DRAM1: variants seen among roughly 807,000 people sequenced by gnomAD.
DRAM1 encodes DNA damage regulated autophagy modulator 1, also known as DNA damage-regulated autophagy modulator protein 1.
A neutral mutation model predicts 28.5 loss-of-function variants in DRAM1; 25 were observed. The observed-to-expected ratio is 0.88, with a 90% confidence interval of 0.64 to 1.23. DRAM1 has a LOEUF of 1.23. Ranked by LOEUF, DRAM1 falls within the 50% of genes most tolerant of loss-of-function variation. The probability of loss-of-function intolerance (pLI) is 0.00; values close to 1 mark genes in which losing one functional copy is unlikely to be tolerated. For missense variants in DRAM1, 249 were observed against 299.2 expected, an observed-to-expected ratio of 0.83 and a Z score of 1.24; for synonymous variants, 113 against 114.2, an observed-to-expected ratio of 0.99 and a Z score of 0.07.
At chr12:101,888,786 ATTTTTTTTTTTTTT>A (rs34825466) in intron 1 of DRAM1, among the ~76,000 whole-genome samples, 32 of 107,982 alleles carry the variant, frequency 3.0e-4, no homozygotes, top group African/African-American at 1.3e-3. Flanking sequence ...AAACATCTCA[ATTTTTTTTTTTTTT>A]TTTTTTTTTT....
chr12:101,881,090 A>G (rs1046273639), intron 1 of DRAM1, among the ~76,000 whole-genome samples: 5 of 152,150 alleles, frequency 3.3e-5, no homozygotes, highest in Admixed American at 3.3e-4. Flanking sequence ...CCACACATAG[A>G]GAAGAAGGCT....
chr12:101,889,481 A>AGAAG (rs146359103), intron 1 of DRAM1, among the ~76,000 whole-genome samples: 6,547 of 139,232 alleles, frequency 0.047, 386 homozygotes, highest in East Asian at 0.23. Flanking sequence ...TGAGAAGAGA[A>AGAAG]GAAGGAAGGA....
intron 1 of DRAM1, among the ~76,000 whole-genome samples, chr12:101,892,191 G>C (rs1873157304): frequency 6.6e-6 from 1 of 151,430 alleles, no homozygotes; most frequent in Non-Finnish European, 1.5e-5. Flanking sequence ...AAAGACATAA[G>C]AACATTTTTC....
At chr12:101,905,818 C>T (rs1873785098) in intron 3 of DRAM1, among the ~76,000 whole-genome samples, 2 of 151,484 alleles carry the variant, frequency 1.3e-5, no homozygotes, top group Admixed American at 1.3e-4. Context: ...TGGAGTCTCG[C>T]TCTGTCTCCC....
At chr12:101,899,694 A>T (rs1479501613) in intron 2 of DRAM1, among the ~76,000 whole-genome samples, 1 of 152,164 alleles carries the variant, frequency 6.6e-6, no homozygotes, top group East Asian at 1.9e-4. Context: ...AAAAAAAAAA[A>T]AAAAAAGATT....
At chr12:101,905,943 C>T (rs143730199) in intron 3 of DRAM1, among the ~76,000 whole-genome samples, 53 of 152,252 alleles carry the variant, frequency 3.5e-4, no homozygotes, top group African/African-American at 1.2e-3. Context: ...GCACGCGCCA[C>T]CACGCCTGGC....
intron 1 of DRAM1, among the ~76,000 whole-genome samples, chr12:101,883,083 A>T (rs756046775): frequency 2.6e-5 from 4 of 151,070 alleles, no homozygotes; most frequent in Non-Finnish European, 4.4e-5. Context: ...TCCAAGATAC[A>T]TTGTTACATG....
intron 3 of DRAM1, among the ~76,000 whole-genome samples, chr12:101,904,343 G>A (rs1379091322): frequency 1.6e-5 from 2 of 123,258 alleles, no homozygotes; most frequent in African/African-American, 2.9e-5. Context: ...TTCCTTTTTA[G>A]AAAAGAAACT....
At chr12:101,903,983 T>G (rs550245917) in intron 3 of DRAM1, among the ~76,000 whole-genome samples, 14 of 151,562 alleles carry the variant, frequency 9.2e-5, no homozygotes, top group Non-Finnish European at 1.6e-4. Context: ...CTCATAAATA[T>G]GAACAATTAT....
At position 101,904,426 on chromosome 12, in the gene DRAM1, GGTTTTTTT is replaced by G. The variant is rs1346709970; in HGVS notation, c.342+2994_342+3001del. Among the ~76,000 whole-genome samples, 35 of 39,140 alleles carry G rather than the reference GGTTTTTTT, an allele frequency of 8.9e-4. 7 individuals are homozygous for G. The highest frequency in any genetic ancestry group is 3.0e-3 in the African/African-American group (30 of 9,898). 25.7% of individuals were successfully genotyped at this position (39,140 alleles called of 152,430 possible). ...TGAAGCTGAGTGATAGAGCTTTAGG[GGTTTTTTT>G]TTTTTTTTTTTTTTTTTTTTTTTTT... is the stretch of plus-strand genomic sequence containing the variant. On this transcript the variant is annotated intron_variant, in intron 3 of 6. Transcript: ENST00000258534.
chr12:101,902,443 A>T (rs1455060232), intron 3 of DRAM1, among the ~76,000 whole-genome samples: 1 of 152,204 alleles, frequency 6.6e-6, no homozygotes, highest in Non-Finnish European at 1.5e-5. Context: ...TGTGACAAAA[A>T]AACCAAGTAC....
intron 1 of DRAM1, among the ~76,000 whole-genome samples, chr12:101,888,547 A>G (rs1023867467): frequency 6.6e-6 from 1 of 152,198 alleles, no homozygotes; most frequent in African/African-American, 2.4e-5. Context: ...AAACTTTTGC[A>G]GCCCCAAAAT....
chr12:101,918,131 A>T (rs1477034048), intron 5 of DRAM1, among the ~76,000 whole-genome samples: 2 of 152,188 alleles, frequency 1.3e-5, no homozygotes, highest in African/African-American at 4.8e-5. Flanking sequence ...ACATTAATTC[A>T]CTGAATAATC....
chr12:101,883,407 C>T (rs544583840), intron 1 of DRAM1, among the ~76,000 whole-genome samples: 3 of 150,772 alleles, frequency 2.0e-5, no homozygotes, highest in South Asian at 4.2e-4. Flanking sequence ...CTCCGCCTCC[C>T]GGGTTCAAGC....
chr12:101,910,451 A>G (rs1873996325), intron 4 of DRAM1, among the ~76,000 whole-genome samples: 1 of 151,614 alleles, frequency 6.6e-6, no homozygotes, highest in South Asian at 2.1e-4. Context: ...TCAGAGTTTC[A>G]CTTACTAATA....
At chr12:101,880,841 G>A (rs1263888929) in intron 1 of DRAM1, among the ~76,000 whole-genome samples, 1 of 152,168 alleles carries the variant, frequency 6.6e-6, no homozygotes, top group Non-Finnish European at 1.5e-5. Context: ...CAAGGAAGGG[G>A]TTTAAAATTT....
At chr12:101,884,409 A>AC (rs1872808345) in intron 1 of DRAM1, among the ~76,000 whole-genome samples, 1 of 150,384 alleles carries the variant, frequency 6.6e-6, no homozygotes, top group South Asian at 2.1e-4. Context: ...ACACGGCCAC[A>AC]CCCACATTCT....
chr12:101,897,967 C>CT (rs780786564), intron 2 of DRAM1, 37 bp downstream of exon 2: 1 of 1,244,352 alleles, frequency 8.0e-7, no homozygotes, highest in South Asian at 1.4e-5. Context: ...AATTGAAAAG[C>CT]TCACAATTCC....
At chr12:101,901,241 C>T (rs2121099092) in intron 2 of DRAM1, 50 bp from the exon 3 acceptor site, 1 of 1,583,140 alleles carries the variant, frequency 6.3e-7, no homozygotes, top group Non-Finnish European at 8.6e-7. Context: ...TGTTTTTCAT[C>T]CTAAAGACAT....
Sources: allele counts gnomAD v4.1 joint callset (sites outside exome capture counted in the v4.1 genomes callset), GRCh38; gene constraint gnomAD v4.1.1; transcripts MANE v1.5; gene names NCBI Gene and HGNC (gene_info 2026-07-23, HGNC 2026-07-21).